Variants in GRID2 observed in about 807,000 individuals in gnomAD.
GRID2 encodes the protein glutamate ionotropic receptor delta type subunit 2.
Under a neutral mutation model 114.8 loss-of-function variants are expected in GRID2, and 33 were observed. The ratio of observed to expected loss-of-function variants is 0.29; its 90% confidence interval spans 0.22 to 0.38. The LOEUF (loss-of-function observed/expected upper bound fraction) is 0.38. Among genes scored for constraint, GRID2 ranks in the 10% least tolerant of loss-of-function variants. The pLI is 1.00. For synonymous variants in GRID2, 505 were observed against 449.9 expected, an observed-to-expected ratio of 1.12 and a Z score of -1.55; for missense variants, 1,184 against 1,257.7, an observed-to-expected ratio of 0.94 and a Z score of 0.89.
At chr4:93,703,044 C>G (rs889463465) in intron 14 of GRID2, among the ~76,000 whole-genome samples, 6 of 152,056 alleles carry the variant, frequency 3.9e-5, no homozygotes, top group African/African-American at 1.4e-4. Context: ...CATTTTCACT[C>G]TTACTTGATA....
intron 2 of GRID2, among the ~76,000 whole-genome samples, chr4:92,617,105 T>C (rs992278383): frequency 6.6e-6 from 1 of 151,498 alleles, no homozygotes; most frequent in Non-Finnish European, 1.5e-5. Flanking sequence ...ATATAATATA[T>C]AGTTTCAAAC....
chr4:92,620,979 A>G (rs921824885), intron 2 of GRID2, among the ~76,000 whole-genome samples: 1 of 148,960 alleles, frequency 6.7e-6, no homozygotes, highest in Non-Finnish European at 1.5e-5. Context: ...AGCTAGAGGA[A>G]CAAAATAAAG....
chr4:93,379,380 G>A (rs201496241), intron 8 of GRID2, among the ~76,000 whole-genome samples: 5 of 152,050 alleles, frequency 3.3e-5, no homozygotes, highest in South Asian at 4.1e-4. Flanking sequence ...ATTTTACTAC[G>A]TATGTCTCTG....
At chr4:93,781,648 A>G (rs114155136) in intron 1 of GRID2, among the ~76,000 whole-genome samples, 4,535 of 152,264 alleles carry the variant, frequency 0.03, 99 homozygotes, top group Non-Finnish European at 0.048. Flanking sequence ...TGCATATAAC[A>G]TATGCAAATT....
chr4:92,926,753 G>A (rs2168489), intron 2 of GRID2, among the ~76,000 whole-genome samples: 51,513 of 151,648 alleles, frequency 0.34, 9,185 homozygotes, highest in Admixed American at 0.49. Flanking sequence ...CTGGAAGCTG[G>A]GAAGTCCGAG....
At chr4:93,063,875 T>A (rs1292619340) in intron 2 of GRID2, among the ~76,000 whole-genome samples, 1 of 151,582 alleles carries the variant, frequency 6.6e-6, no homozygotes, top group East Asian at 1.9e-4. Context: ...AATTCAAGAA[T>A]TGTATTTTAT....
In GRID2 at chr4:93,494,797, C is replaced by T. The variant is rs190145694; in HGVS notation, c.1997+4020C>T. Among the ~76,000 whole-genome samples, 348 of 151,762 alleles carry T rather than the reference C, an allele frequency of 2.3e-3. 1 individual carries two copies. The highest frequency in any genetic ancestry group is 4.1e-3 in the Non-Finnish European group (280 of 67,812). On this transcript the variant is annotated intron_variant, in intron 12 of 15. Coordinates refer to ENST00000282020, the MANE Select transcript of GRID2 (RefSeq NM_001510.4). Reference sequence around the variant, plus strand: ...CATATAGTTAATTGTTTTCAAACACCTAGAAATTGGAATGATTTTTTTTCT... The same window carrying T: ...CATATAGTTAATTGTTTTCAAACACTTAGAAATTGGAATGATTTTTTTTCT...
chr4:93,794,116 A>G (rs1306042533), intron 1 of GRID2, among the ~76,000 whole-genome samples: 1 of 152,094 alleles, frequency 6.6e-6, no homozygotes, highest in Non-Finnish European at 1.5e-5. Flanking sequence ...TTCCATTGTG[A>G]GTGCTTCTTC....
intron 8 of GRID2, among the ~76,000 whole-genome samples, chr4:93,313,214 G>A (rs1443301253): frequency 6.6e-6 from 1 of 152,064 alleles, no homozygotes; most frequent in Non-Finnish European, 1.5e-5. Context: ...CTTGTATTCT[G>A]CAGATTTCAG....
rs1755394502 is a variant in GRID2, at chr4:92,999,224, A to G, written c.245-85771A>G. 2.0e-5 allele frequency among the ~76,000 whole-genome samples: 3 copies of G among 151,882 alleles called. No homozygotes were observed. The South Asian group carries it at 6.2e-4, about 31-fold the overall frequency. Reference sequence around the variant, plus strand: ...ATGCGTTATTCTTGTGTACTTTTCTATGCAGTGCAAACATGTATGACATTT... The same window carrying G: ...ATGCGTTATTCTTGTGTACTTTTCTGTGCAGTGCAAACATGTATGACATTT... On this transcript the variant is annotated intron_variant, in intron 2 of 15. Transcript: ENST00000282020.
intron 13 of GRID2, among the ~76,000 whole-genome samples, chr4:93,593,736 T>C (rs564548381): frequency 6.6e-6 from 1 of 152,188 alleles, no homozygotes; most frequent in Non-Finnish European, 1.5e-5. Context: ...CCATATTTCC[T>C]GGAGGCTTTG....
chr4:93,103,179 G>T (rs1731863467), intron 3 of GRID2, among the ~76,000 whole-genome samples: 1 of 151,986 alleles, frequency 6.6e-6, no homozygotes, highest in Admixed American at 6.6e-5. Flanking sequence ...CCTTCCACCA[G>T]CGCTAACTTG....
At chr4:93,325,354 TTCTC>T (rs1233210624) in intron 8 of GRID2, among the ~76,000 whole-genome samples, 1 of 152,076 alleles carries the variant, frequency 6.6e-6, no homozygotes. Flanking sequence ...TTCTAAAAGT[TTCTC>T]AATCATTATC....
chr4:93,191,569 A>G (rs1017999132), intron 4 of GRID2, among the ~76,000 whole-genome samples: 7 of 152,136 alleles, frequency 4.6e-5, no homozygotes, highest in African/African-American at 1.4e-4. Flanking sequence ...GCACAGAGCC[A>G]TTATTACATA....
intron 1 of GRID2, among the ~76,000 whole-genome samples, chr4:92,486,547 T>TCTCACACA (rs543022809): frequency 1.5e-5 from 2 of 137,074 alleles, no homozygotes; most frequent in African/African-American, 5.4e-5. Flanking sequence ...TCTCTCTCTT[T>TCTCACACA]CACACACACA....
intron 2 of GRID2, among the ~76,000 whole-genome samples, chr4:92,954,884 C>A (rs559906769): frequency 5.8e-5 from 8 of 138,742 alleles, no homozygotes; most frequent in South Asian, 2.4e-4. Context: ...TTTGTTCTTG[C>A]GATAGTTTAC....
chr4:93,379,729 A>C (rs1177137523), intron 8 of GRID2, among the ~76,000 whole-genome samples: 1 of 152,140 alleles, frequency 6.6e-6, no homozygotes, highest in East Asian at 1.9e-4. Context: ...TACTGGGAGA[A>C]ACAGGTAAAG....
rs541223685 is a variant in GRID2, at chr4:92,896,803, C to T, written c.245-188192C>T. Among the ~76,000 whole-genome samples the T allele has an allele frequency of 1.3e-3, 191 of 152,164 alleles. 1 individual carries two copies. Among genetic ancestry groups the T allele is most frequent in the African/African-American group, 4.2e-3 (176 of 41,528 alleles). On this transcript the variant is annotated intron_variant, in intron 2 of 15. Coordinates refer to ENST00000282020, the MANE Select transcript of GRID2 (RefSeq NM_001510.4). The stretch of plus-strand genomic sequence containing the variant: ...TGTCGCCCAGGCTGGAGTGCAGTGG[C>T]GCGATCTTTGCTCACTGACACCTCT...
chr4:92,910,963 C>T lies in GRID2; in HGVS notation c.245-174032C>T, dbSNP rs953743039. ...TGGAGGACCAACTCCATATGTTTTA[C>T]GAATATTTGTTATACTAGTTTCTGA... On this transcript the variant is annotated intron_variant, in intron 2 of 15. Transcript: ENST00000282020. 3.3e-5 allele frequency among the ~76,000 whole-genome samples: 5 copies of T among 151,148 alleles called. 1 individual carries two copies. The highest frequency in any genetic ancestry group is 4.2e-4 in the South Asian group (2 of 4,812).
Sources: allele counts gnomAD v4.1 joint callset (sites outside exome capture counted in the v4.1 genomes callset), GRCh38; gene constraint gnomAD v4.1.1; transcripts MANE v1.5; gene names NCBI Gene and HGNC (gene_info 2026-07-23, HGNC 2026-07-21).